Variants in PHACTR2 observed in about 807,000 individuals in gnomAD.
PHACTR2 encodes chromosome 6 open reading frame 56.
A neutral mutation model predicts 76.0 loss-of-function variants in PHACTR2; 30 were observed. That is an observed-to-expected ratio of 0.39 (90% confidence interval 0.30 to 0.54). PHACTR2 has a LOEUF of 0.54. Ranked by LOEUF, PHACTR2 falls within the 20% of genes least tolerant of loss-of-function variation. The pLI is 0.61. For missense variants in PHACTR2, 696 were observed against 781.1 expected (o/e 0.89, Z 1.30); for synonymous variants, 292 against 292.5 (o/e 1.00, Z 0.02).
chr6:143,677,056 T>C (rs1777262502), upstream of PHACTR2, among the ~76,000 whole-genome samples: 1 of 151,944 alleles, frequency 6.6e-6, no homozygotes, highest in Admixed American at 6.6e-5. Flanking sequence ...TATATTGCAC[T>C]TTCTGATATT....
chr6:143,771,920 G>A (rs911542857), intron 6 of PHACTR2, among the ~76,000 whole-genome samples: 2 of 152,174 alleles, frequency 1.3e-5, no homozygotes, highest in Admixed American at 1.3e-4. Context: ...TGGGACAGAC[G>A]TGGGGGCAAG....
At position 143,671,975 on chromosome 6, in the gene PHACTR2, CTG is replaced by C. The variant is rs1294033657; in HGVS notation, c.14-40039_14-40038del. 2.9e-4 allele frequency among the ~76,000 whole-genome samples: 31 copies of C among 108,730 alleles called. No homozygotes were observed. In the East Asian group the frequency reaches 5.1e-3, roughly 18 times the overall value. The allele number at this position is 108,730 out of a possible 152,430, so 71.3% of individuals were successfully genotyped here. ...ATGAAACAAGCCAGATTAAAAAAAA[CTG>C]TACATAATATTATTCCATTTGTAAG... is the stretch of plus-strand genomic sequence containing the variant. On this transcript the variant is annotated intron_variant, in intron 1 of 11. Coordinates refer to the PHACTR2 transcript ENST00000305766. This position sits in a 1 kb window ranked among gnomAD's most constrained non-coding sequence, Gnocchi z 4.6.
intron 1 of PHACTR2, among the ~76,000 whole-genome samples, chr6:143,667,524 ATTTG>A (rs1269382923): frequency 3.3e-5 from 5 of 151,366 alleles, no homozygotes; most frequent in Non-Finnish European, 5.9e-5. Flanking sequence ...ATGCTTTTCC[ATTTG>A]TTTGTGTCCT....
chr6:143,796,781 G>A (rs907823725), intron 11 of PHACTR2, among the ~76,000 whole-genome samples: 1 of 152,156 alleles, frequency 6.6e-6, no homozygotes, highest in Non-Finnish European at 1.5e-5. Flanking sequence ...TGGTGTATAT[G>A]TGCCACATTT....
At position 143,710,431 on chromosome 6, in the gene PHACTR2, G is replaced by A. The variant is rs1037038129; in HGVS notation, c.47-1585G>A. Among the ~76,000 whole-genome samples the A allele has an allele frequency of 5.3e-5, 8 of 152,180 alleles. No individual in the cohort carries two copies. The highest frequency in any genetic ancestry group is 1.4e-4 in the African/African-American group (6 of 41,442). On this transcript the variant is annotated intron_variant, in intron 1 of 12. Coordinates refer to ENST00000440869, the MANE Select transcript of PHACTR2 (RefSeq NM_001100164.2). The surrounding 1 kb of genome is among the most constrained non-coding windows in gnomAD (Gnocchi z 4.9). ...GTTTGGGCTGCGTGTGGTGGCTCAC[G>A]CCTGTAATCCCAGCAGTTTGGGAGG...
At chr6:143,677,140 A>G (rs962515386), upstream of PHACTR2, among the ~76,000 whole-genome samples, 1 of 152,198 alleles carries the variant, frequency 6.6e-6, no homozygotes, top group Non-Finnish European at 1.5e-5. Context: ...GAATTTTCAT[A>G]AAATGAACAC....
chr6:143,661,624 T>G (rs926030971), intron 1 of PHACTR2, among the ~76,000 whole-genome samples: 4 of 150,704 alleles, frequency 2.7e-5, no homozygotes, highest in Non-Finnish European at 5.9e-5. Context: ...TGTGGCACAA[T>G]CTCGGCTCAC....
chr6:143,815,894 G>GAAAA (rs11310299), intron 12 of PHACTR2, among the ~76,000 whole-genome samples: 1 of 129,346 alleles, frequency 7.7e-6, no homozygotes. Context: ...TCTGTCTCAA[G>GAAAA]AAAAAAAAAA....
intron 1 of PHACTR2, among the ~76,000 whole-genome samples, chr6:143,694,729 T>A (rs1777731554): frequency 6.6e-6 from 1 of 152,240 alleles, no homozygotes. Flanking sequence ...AAGAATGTTC[T>A]TGCCAGAAAA....
intron 1 of PHACTR2, chr6:143,711,010 C>A: frequency 1.9e-6 from 1 of 515,836 alleles, no homozygotes; most frequent in South Asian, 1.4e-5. Context: ...ATTAATTAGA[C>A]TTCACTGTCA....
At position 143,658,721 on chromosome 6, in the gene PHACTR2, A is replaced by G. The variant is rs1033309376; in HGVS notation, c.13+50399A>G. On this transcript the variant is annotated intron_variant, in intron 1 of 11. Transcript: ENST00000305766. This position sits in a 1 kb window ranked among gnomAD's most constrained non-coding sequence, Gnocchi z 4.1. ...TAGCAAAACTATAGTGTAAAGATTA[A>G]AAAACAAACAAACAAAAAATGGGGT... Among the ~76,000 whole-genome samples, 9 of 152,160 alleles carry G rather than the reference A, an allele frequency of 5.9e-5. No individual in the cohort carries two copies. The highest frequency in any genetic ancestry group is 2.6e-4 in the Admixed American group (4 of 15,266).
Position 143,709,433 on chromosome 6 carries a change from T to C in PHACTR2, c.47-2583T>C, listed in dbSNP as rs1479858746. Among the ~76,000 whole-genome samples the C allele has an allele frequency of 6.6e-6, 1 of 152,212 alleles. No individual in the cohort carries two copies. The highest frequency in any genetic ancestry group is 1.5e-5 in the Non-Finnish European group (1 of 68,040). ...GGAAGTGGCATCTATTGATTGTCTG[T>C]CTTCATTCAGTTTGAGATTTTCCTG... On this transcript the variant is annotated intron_variant, in intron 1 of 12. Coordinates refer to ENST00000440869, the MANE Select transcript of PHACTR2 (RefSeq NM_001100164.2). This position sits in a 1 kb window ranked among gnomAD's most constrained non-coding sequence, Gnocchi z 4.4.
At chr6:143,594,761 A>G (rs1310856882) in intron 1 of PHACTR2, among the ~76,000 whole-genome samples, 1 of 152,226 alleles carries the variant, frequency 6.6e-6, no homozygotes, top group Non-Finnish European at 1.5e-5. Flanking sequence ...TTTGCCGTCC[A>G]TGGATCTGGA....
chr6:143,587,900 C>A (rs1197497848), intron 1 of PHACTR2, among the ~76,000 whole-genome samples: 1 of 152,076 alleles, frequency 6.6e-6, no homozygotes, highest in East Asian at 1.9e-4. Flanking sequence ...GTAATCCCAG[C>A]TACTCAGGAG....
At position 143,570,638 on chromosome 6, in the gene PHACTR2, C is replaced by T. The variant is rs1775436035; in HGVS notation, c.217+33431C>T. On this transcript the variant is annotated intron_variant, in intron 1 of 11. Transcript: ENST00000367584. This position sits in a 1 kb window ranked among gnomAD's most constrained non-coding sequence, Gnocchi z 4.6. ...CCCCTCCCCACTCTCCTGGGGCTCT[C>T]CCTCTCCCCGCTTGCTCTCCTTCCC... Among the ~76,000 whole-genome samples the T allele has an allele frequency of 6.6e-6, 1 of 152,130 alleles. No homozygotes were observed. The highest frequency in any genetic ancestry group is 2.1e-4 in the South Asian group (1 of 4,826).
In PHACTR2 at chr6:143,648,028, C is replaced by T. The variant is rs946550196; in HGVS notation, c.13+39706C>T. ...AAGCAGGTAGGATCCTGCCGTGACCCGAGAGAGATGTATGGCTGCGACAGA... is the reference window on the plus strand; with the variant it reads ...AAGCAGGTAGGATCCTGCCGTGACCTGAGAGAGATGTATGGCTGCGACAGA... On this transcript the variant is annotated intron_variant, in intron 1 of 11. Transcript: ENST00000305766. This position sits in a 1 kb window ranked among gnomAD's most constrained non-coding sequence, Gnocchi z 6.7. Among the ~76,000 whole-genome samples, 2 of 152,040 alleles carry T rather than the reference C, an allele frequency of 1.3e-5. No individual in the cohort carries two copies. The highest frequency in any genetic ancestry group is 2.1e-4 in the South Asian group (1 of 4,812).
chr6:143,692,400 G>A (rs1312271264), intron 1 of PHACTR2, among the ~76,000 whole-genome samples: 1 of 152,152 alleles, frequency 6.6e-6, no homozygotes, highest in African/African-American at 2.4e-5. Context: ...CATGCCGTGG[G>A]TTCCTGTTGG....
In PHACTR2 at chr6:143,793,564, T is replaced by A. The variant is rs1351411935; in HGVS notation, c.1845+4654T>A. ...TTTAGAAGTGGATTTTTATTGTGTA[T>A]GTGTGTGTTTCTCTGGAAGAAAATT... On this transcript the variant is annotated intron_variant, in intron 11 of 12. Transcript: ENST00000440869. This position sits in a 1 kb window ranked among gnomAD's most constrained non-coding sequence, Gnocchi z 4.4. Among the ~76,000 whole-genome samples, 2 of 152,242 alleles carry A rather than the reference T, an allele frequency of 1.3e-5. No homozygotes were observed. Among genetic ancestry groups the A allele is most frequent in the East Asian group, 3.9e-4 (2 of 5,182 alleles).
Position 143,760,539 on chromosome 6 carries a change from G to T in PHACTR2, c.593G>T (p.Gly198Val). The change falls in exon 5 of 13, where the codon GGT becomes GTT. Residue 198 changes from glycine to valine, a missense_variant. Gly to Val is a moderately radical substitution (Grantham distance 109). This residue lies in a region of PHACTR2 where 460 missense variants were observed against 450.9 expected (regional missense o/e 1.02). Coordinates refer to ENST00000440869, the MANE Select transcript of PHACTR2 (RefSeq NM_001100164.2). The surrounding 1 kb of genome is among the most constrained non-coding windows in gnomAD (Gnocchi z 6.4). ...KGATAGASHK[G>V]DEVPPIKKNT... The stretch of plus-strand genomic sequence containing the variant: ...GCCACTGCTGGGGCCAGCCACAAAG[G>T]TGATGAAGTGCCTCCCATTAAAAAA... 4 of 1,613,916 alleles carry T rather than the reference G, an allele frequency of 2.5e-6. No individual in the cohort carries two copies. The highest frequency in any genetic ancestry group is 3.4e-6 in the Non-Finnish European group (4 of 1,179,880).
Sources: allele counts gnomAD v4.1 joint callset (sites outside exome capture counted in the v4.1 genomes callset), GRCh38; gene constraint gnomAD v4.1.1; regional missense constraint gnomAD v4.1.1; non-coding constraint Gnocchi (gnomAD v3.1); transcripts MANE v1.5; gene names NCBI Gene and HGNC (gene_info 2026-07-23, HGNC 2026-07-21).